The following ZNF75D variants were observed in gnomAD, a reference collection of about 807,000 sequenced individuals.
ZNF75D encodes the protein zinc finger protein 75D.
A neutral mutation model predicts 33.3 loss-of-function variants in ZNF75D; 33 were observed. The ratio of observed to expected loss-of-function variants is 0.99; its 90% confidence interval spans 0.75 to 1.32. ZNF75D has a LOEUF of 1.32. Ranked by LOEUF, ZNF75D falls within the 40% of genes most tolerant of loss-of-function variation. The pLI, the probability that ZNF75D is intolerant of heterozygous loss-of-function variation, is 0.00. For synonymous variants in ZNF75D, 113 were observed against 130.6 expected (o/e 0.87, Z 0.92); for missense variants, 338 against 367.5 (o/e 0.92, Z 0.66).
intron 1 of ZNF75D, among the ~76,000 whole-genome samples, chrX:135,260,494 G>C (rs942484340): frequency 1.8e-5 from 2 of 111,549 alleles, no homozygotes; most frequent in Non-Finnish European, 3.8e-5. Flanking sequence ...TCTATTCAGA[G>C]ACTCAACTTC....
At chrX:135,313,981 T>C (rs1452717432) in intron 1 of ZNF75D, among the ~76,000 whole-genome samples, 2 of 111,869 alleles carry the variant, frequency 1.8e-5, no homozygotes, top group African/African-American at 3.2e-5. Context: ...TGTGTTTTAT[T>C]TCTTTCTCTT....
intron 1 of ZNF75D, among the ~76,000 whole-genome samples, chrX:135,327,549 T>C (rs1013420698): frequency 1.8e-5 from 2 of 111,825 alleles, no homozygotes; most frequent in African/African-American, 3.3e-5. Flanking sequence ...CAGGGCTGAA[T>C]ACAGTGAGTA....
At chrX:135,337,836 G>A (rs1002043674) in intron 1 of ZNF75D, among the ~76,000 whole-genome samples, 7 of 111,333 alleles carry the variant, frequency 6.3e-5, no homozygotes, top group Admixed American at 1.9e-4. Context: ...GGATGAGGGC[G>A]TCAGCTCTAG....
At chrX:135,258,048 T>G (rs1390730193) in intron 1 of ZNF75D, among the ~76,000 whole-genome samples, 2 of 108,561 alleles carry the variant, frequency 1.8e-5, no homozygotes, top group South Asian at 4.0e-4. Context: ...CACCTATGAG[T>G]GAGAACATGC....
intron 1 of ZNF75D, among the ~76,000 whole-genome samples, chrX:135,302,241 T>A (rs782698379): frequency 1.8e-5 from 2 of 112,264 alleles, no homozygotes; most frequent in Non-Finnish European, 3.8e-5. Context: ...GCCCTATACA[T>A]CAAAGGTGAA....
intron 1 of ZNF75D, among the ~76,000 whole-genome samples, chrX:135,331,711 A>G (rs2084653564): frequency 9.0e-6 from 1 of 111,307 alleles, no homozygotes; most frequent in African/African-American, 3.3e-5. Flanking sequence ...GGGTCCTCAC[A>G]ACCTGTCCAG....
Position 135,326,493 on chromosome X carries a change from C to G in ZNF75D, c.-391+15275G>C, listed in dbSNP as rs782223816. 1.5e-3 allele frequency among the ~76,000 whole-genome samples: 170 copies of G among 112,052 alleles called. 1 individual carries two copies. The highest frequency in any genetic ancestry group is 1.2e-3 in the Non-Finnish European group (64 of 53,141). Reference sequence around the variant, plus strand: ...CAGCGCCCTGTCAAAACAGACCACTCGGCTCTACCAATCAGCAGGATGTGG... The same window carrying G: ...CAGCGCCCTGTCAAAACAGACCACTGGGCTCTACCAATCAGCAGGATGTGG... On this transcript the variant is annotated intron_variant, in intron 1 of 6. Coordinates refer to ENST00000370766, the MANE Select transcript of ZNF75D (RefSeq NM_007131.5).
At chrX:135,258,099 G>T (rs921709273) in intron 1 of ZNF75D, among the ~76,000 whole-genome samples, 2 of 106,090 alleles carry the variant, frequency 1.9e-5, no homozygotes, top group African/African-American at 3.3e-5. Flanking sequence ...TGCTGAGAAT[G>T]ATGGTTTCCA....
At chrX:135,303,852 A>G (rs782258116) in intron 1 of ZNF75D, among the ~76,000 whole-genome samples, 3 of 112,605 alleles carry the variant, frequency 2.7e-5, no homozygotes, top group South Asian at 3.7e-4. Flanking sequence ...CTAAGCCCCT[A>G]TAGCCTGCAT....
At chrX:135,324,407 T>C (rs2084535263) in intron 1 of ZNF75D, among the ~76,000 whole-genome samples, 2 of 112,697 alleles carry the variant, frequency 1.8e-5, no homozygotes, top group African/African-American at 3.2e-5. Context: ...TGTCTTATTA[T>C]GTGTGGATAC....
chrX:135,263,074 GT>G (rs1355964738), intron 1 of ZNF75D, among the ~76,000 whole-genome samples: 1 of 112,683 alleles, frequency 8.9e-6, no homozygotes, highest in Non-Finnish European at 1.9e-5. Flanking sequence ...GTCTGTTGGA[GT>G]TTGCTGGAGT....
At chrX:135,324,086 G>A (rs954946553) in intron 1 of ZNF75D, among the ~76,000 whole-genome samples, 22 of 111,007 alleles carry the variant, frequency 2.0e-4, no homozygotes, top group African/African-American at 7.2e-4. Flanking sequence ...TCTGGGGAGA[G>A]GAGGGCAGGC....
chrX:135,331,001 GAT>G (rs1374055746), intron 1 of ZNF75D, among the ~76,000 whole-genome samples: 4 of 111,440 alleles, frequency 3.6e-5, no homozygotes, highest in African/African-American at 1.3e-4. Flanking sequence ...ATTTTGAAGA[GAT>G]ATCCATCCAG....
chrX:135,298,731 C>T (rs1556423775), intron 1 of ZNF75D: 2 of 111,366 alleles, frequency 1.8e-5, no homozygotes, highest in African/African-American at 3.3e-5. Context: ...TACCTCACCC[C>T]GCAAAAAAAT....
At chrX:135,282,496 A>G (rs1453383545), downstream of ZNF75D, among the ~76,000 whole-genome samples, 1 of 111,224 alleles carries the variant, frequency 9.0e-6, no homozygotes, top group African/African-American at 3.3e-5. Context: ...CAGGGAGTGA[A>G]AAGTTCTGTC....
intron 5 of ZNF75D, 82 bp downstream of exon 5, chrX:135,291,390 A>G (rs1451272955): frequency 1.5e-5 from 16 of 1,096,250 alleles, no homozygotes; most frequent in Middle Eastern, 2.5e-4. Flanking sequence ...CCTGCTGGAC[A>G]CTATGAGTCC....
At chrX:135,321,112 G>A (rs894324624) in intron 1 of ZNF75D, among the ~76,000 whole-genome samples, 31 of 111,893 alleles carry the variant, frequency 2.8e-4, no homozygotes, top group Non-Finnish European at 3.9e-4. Context: ...ATGGTATAAG[G>A]TAGAAGGGCT....
chrX:135,335,577 G>A (rs374774479), intron 1 of ZNF75D, among the ~76,000 whole-genome samples: 17 of 112,176 alleles, frequency 1.5e-4, no homozygotes, highest in African/African-American at 4.9e-4. Context: ...GGATGAGTGA[G>A]TTGTGTTCTG....
intron 2 of ZNF75D, among the ~76,000 whole-genome samples, chrX:135,295,353 T>G (rs2084110547): frequency 8.9e-6 from 1 of 112,199 alleles, no homozygotes; most frequent in South Asian, 3.7e-4. Context: ...GAAGTTTCGC[T>G]GAGTGTGGTG....
Sources: gnomAD v4.1 joint callset for allele counts (sites outside exome capture counted in the v4.1 genomes callset) on GRCh38, gnomAD v4.1.1 for gene constraint, MANE v1.5 for transcripts, NCBI Gene and HGNC (gene_info 2026-07-23, HGNC 2026-07-21) for gene names.